Variants in SH3D19 observed in about 807,000 individuals in gnomAD.
The protein encoded by SH3D19 is SH3 domain containing 19.
A neutral mutation model predicts 112.1 loss-of-function variants in SH3D19; 58 were observed. That is an observed-to-expected ratio of 0.52 (90% CI 0.42 to 0.64). The LOEUF (loss-of-function observed/expected upper bound fraction) is 0.64. Among genes scored for constraint, SH3D19 ranks in the 30% least tolerant of loss-of-function variants. The probability of loss-of-function intolerance (pLI) is 0.00; values close to 1 mark genes in which losing one functional copy is unlikely to be tolerated. For synonymous variants in SH3D19, 391 were observed against 448.5 expected (o/e 0.87, Z 1.62); for missense variants, 1,090 against 1,263.4 (o/e 0.86, Z 2.08).
At chr4:151,274,584 A>G (rs1773450768) in intron 1 of SH3D19, among the ~76,000 whole-genome samples, 1 of 152,254 alleles carries the variant, frequency 6.6e-6, no homozygotes, top group Admixed American at 6.5e-5. Context: ...GAGCCATATT[A>G]ATAGCAGAGA....
intron 19 of SH3D19, among the ~76,000 whole-genome samples, chr4:151,125,521 A>G (rs1206681428): frequency 2.0e-5 from 3 of 151,172 alleles, no homozygotes; most frequent in East Asian, 1.9e-4. Context: ...AGAAAGAAAG[A>G]AAGGAAGGAA....
At chr4:151,153,310 C>T (rs1045154971) in intron 9 of SH3D19, among the ~76,000 whole-genome samples, 4 of 152,018 alleles carry the variant, frequency 2.6e-5, no homozygotes, top group South Asian at 2.1e-4. Flanking sequence ...TACAGTGGCG[C>T]GATCTCGGCT....
chr4:151,150,312 T>C (rs1056000321), intron 9 of SH3D19, among the ~76,000 whole-genome samples: 16 of 136,886 alleles, frequency 1.2e-4, no homozygotes, highest in Non-Finnish European at 1.5e-4. Context: ...TACACACACA[T>C]ATATATATAC....
intron 11 of SH3D19, among the ~76,000 whole-genome samples, chr4:151,145,652 C>T (rs1753798812): frequency 6.6e-6 from 1 of 152,164 alleles, no homozygotes; most frequent in African/African-American, 2.4e-5. Context: ...GTGGTCTCTT[C>T]ACACAGACGT....
At chr4:151,300,133 G>A (rs1005107921) in intron 1 of SH3D19, among the ~76,000 whole-genome samples, 27 of 151,980 alleles carry the variant, frequency 1.8e-4, no homozygotes, top group African/African-American at 6.0e-4. Context: ...CCCAGGAGGC[G>A]GAGGTTGCAG....
At chr4:151,313,844 A>G (rs1023968947) in intron 1 of SH3D19, among the ~76,000 whole-genome samples, 11 of 152,206 alleles carry the variant, frequency 7.2e-5, no homozygotes, top group Non-Finnish European at 1.3e-4. Flanking sequence ...GTAGCAAGAT[A>G]AGACAGGATC....
intron 9 of SH3D19, among the ~76,000 whole-genome samples, chr4:151,156,658 T>TTTA (rs1322272553): frequency 6.6e-6 from 1 of 152,218 alleles, no homozygotes; most frequent in African/African-American, 2.4e-5. Context: ...CCACTCACTC[T>TTTA]TTATAAGACT....
chr4:151,319,931 C>CA (rs1455532158), intron 1 of SH3D19, among the ~76,000 whole-genome samples: 4 of 151,858 alleles, frequency 2.6e-5, no homozygotes, highest in Non-Finnish European at 5.9e-5. Flanking sequence ...ACTTCCACTT[C>CA]AAAAAAAACC....
chr4:151,136,653 A>G (rs761485504), intron 14 of SH3D19, among the ~76,000 whole-genome samples: 4 of 152,210 alleles, frequency 2.6e-5, no homozygotes, highest in Non-Finnish European at 5.9e-5. Context: ...ACTTATACCA[A>G]TAATGTGGCA....
At chr4:151,285,160 C>T (rs1242117150) in intron 1 of SH3D19, among the ~76,000 whole-genome samples, 1 of 152,162 alleles carries the variant, frequency 6.6e-6, no homozygotes, top group East Asian at 1.9e-4. Context: ...CTGCTATTGG[C>T]CACTCTCCAC....
intron 7 of SH3D19, among the ~76,000 whole-genome samples, chr4:151,167,076 T>A (rs1484104458): frequency 6.6e-6 from 1 of 150,992 alleles, no homozygotes; most frequent in African/African-American, 2.4e-5. Flanking sequence ...AAAAAAAAAA[T>A]AGATGACTCC....
chr4:151,198,294 G>A (rs1763786199), intron 2 of SH3D19, among the ~76,000 whole-genome samples: 1 of 133,250 alleles, frequency 7.5e-6, no homozygotes, highest in Non-Finnish European at 1.6e-5. Context: ...GACACAGCGA[G>A]ACTCTGTCTC....
At chr4:151,142,065 G>A (rs188890945) in intron 12 of SH3D19, among the ~76,000 whole-genome samples, 1 of 152,258 alleles carries the variant, frequency 6.6e-6, no homozygotes, top group African/African-American at 2.4e-5. Flanking sequence ...GTATCTGGTA[G>A]GTAAATATAA....
At chr4:151,186,545 T>C (rs1477392439) in intron 3 of SH3D19, among the ~76,000 whole-genome samples, 9 of 152,108 alleles carry the variant, frequency 5.9e-5, no homozygotes, top group African/African-American at 1.9e-4. Flanking sequence ...GCCATTCTCC[T>C]GCCTCAGCCT....
intron 1 of SH3D19, chr4:151,282,522 A>T (rs1456248931): frequency 5.5e-5 from 59 of 1,065,486 alleles, no homozygotes; most frequent in Non-Finnish European, 7.8e-5. Flanking sequence ...CAACAAAACC[A>T]GATCAATCTA....
At chr4:151,206,971 A>G (rs1035523714) in intron 2 of SH3D19, among the ~76,000 whole-genome samples, 2 of 152,218 alleles carry the variant, frequency 1.3e-5, no homozygotes, top group African/African-American at 4.8e-5. Context: ...CCCAAATCTA[A>G]ATAATTTTAA....
chr4:151,187,596 C>T (rs947854407), intron 2 of SH3D19, 133 bp from the exon 3 acceptor site: 13 of 443,114 alleles, frequency 2.9e-5, no homozygotes, highest in African/African-American at 2.6e-4. Context: ...CTGGCCTATC[C>T]TCTTTAAAAA....
chr4:151,243,970 C>T lies in SH3D19; in HGVS notation c.113-17884G>A, dbSNP rs911432990. On this transcript the variant is annotated intron_variant, in intron 1 of 19. Coordinates refer to ENST00000604030, the MANE Select transcript of SH3D19 (RefSeq NM_001378122.1). The stretch of plus-strand genomic sequence containing the variant: ...TTCAAAGAGTAAAAAATTCCGTGGA[C>T]CTTGAAGACTCACTGTGGAATTTCC... Among the ~76,000 whole-genome samples, 13 of 152,196 alleles carry T rather than the reference C, an allele frequency of 8.5e-5. No homozygotes were observed. The East Asian group carries it at 2.5e-3, about 29-fold the overall frequency.
intron 2 of SH3D19, among the ~76,000 whole-genome samples, chr4:151,207,838 A>T (rs2149898884): frequency 6.6e-6 from 1 of 152,344 alleles, no homozygotes; most frequent in East Asian, 1.9e-4. Flanking sequence ...TAATAATGCA[A>T]TTGTAGTTTC....
Sources: gnomAD v4.1 joint callset for allele counts (sites outside exome capture counted in the v4.1 genomes callset) on GRCh38, gnomAD v4.1.1 for gene constraint, MANE v1.5 for transcripts, NCBI Gene and HGNC (gene_info 2026-07-23, HGNC 2026-07-21) for gene names.